The following TEX2 variants were observed in gnomAD, a reference collection of about 807,000 sequenced individuals.
TEX2 encodes the protein testis expressed 2.
TEX2 carries 53 observed loss-of-function variants against 106.9 expected under a neutral mutation model. That is an observed-to-expected ratio of 0.50 (90% CI 0.40 to 0.62). The LOEUF (loss-of-function observed/expected upper bound fraction) is 0.62, where lower values mean the gene tolerates loss of function less well. Among genes scored for constraint, TEX2 ranks in the 20% least tolerant of loss-of-function variants. The pLI is 0.00. For missense variants in TEX2, 1,207 were observed against 1,379.0 expected, an observed-to-expected ratio of 0.88 and a Z score of 1.98; for synonymous variants, 523 against 534.8, an observed-to-expected ratio of 0.98 and a Z score of 0.30.
Position 64,242,173 on chromosome 17 carries a change from G to A in TEX2, c.-26+20995C>T, listed in dbSNP as rs554402857. The A allele has an allele frequency of 2.6e-5, 4 of 152,294 alleles. No homozygotes were observed. The East Asian group carries it at 7.7e-4, about 29-fold the overall frequency. 9.4% of individuals were successfully genotyped at this position (152,294 alleles called of 1,614,324 possible). A position where few individuals can be genotyped will look rare whatever the true frequency, so the allele number is the denominator to read the frequency against. On this transcript the variant is annotated intron_variant, in intron 1 of 11. Coordinates refer to ENST00000584379, the MANE Select transcript of TEX2 (RefSeq NM_001288732.2). ...ATAGTTCAGAAGAGGAATGTTTATA[G>A]TTGAGTATATTTTACAAGTTGAGCA...
At chr17:64,180,285 CTAGT>C (rs1175462625) in intron 5 of TEX2, among the ~76,000 whole-genome samples, 13 of 152,190 alleles carry the variant, frequency 8.5e-5, no homozygotes, top group African/African-American at 2.9e-4. Context: ...CTTTACAACC[CTAGT>C]TACTCACAGG....
chr17:64,184,004 A>G (rs751604775), intron 5 of TEX2, among the ~76,000 whole-genome samples: 5 of 152,120 alleles, frequency 3.3e-5, no homozygotes, highest in Non-Finnish European at 7.4e-5. Flanking sequence ...TTTGATTCAC[A>G]TTTCCTTGAT....
intron 4 of TEX2, 145 bp from the exon 5 acceptor site, chr17:64,188,560 T>C: frequency 1.5e-6 from 2 of 1,317,196 alleles, no homozygotes; most frequent in Non-Finnish European, 2.0e-6. Context: ...CTCACGCCTG[T>C]AATCCCAGCA....
At chr17:64,182,488 A>AT (rs1261436333) in intron 5 of TEX2, among the ~76,000 whole-genome samples, 1 of 152,238 alleles carries the variant, frequency 6.6e-6, no homozygotes, top group African/African-American at 2.4e-5. Flanking sequence ...CACAAAAATA[A>AT]TTTTTAAAAA....
intron 1 of TEX2, among the ~76,000 whole-genome samples, chr17:64,235,762 T>C (rs1555635064): frequency 2.0e-5 from 3 of 152,228 alleles, no homozygotes; most frequent in Admixed American, 6.5e-5. Context: ...TTCATTGCTA[T>C]ACATAAGTAA....
At chr17:64,160,762 C>T (rs1202514221) in intron 8 of TEX2, 39 bp downstream of exon 8, 5 of 1,608,582 alleles carry the variant, frequency 3.1e-6, no homozygotes, top group East Asian at 4.5e-5. Context: ...AAGCTGGTGC[C>T]CCAGGATTGG....
At chr17:64,238,346 CTGTG>C (rs1172082450) in intron 1 of TEX2, among the ~76,000 whole-genome samples, 3 of 152,138 alleles carry the variant, frequency 2.0e-5, no homozygotes, top group Admixed American at 6.5e-5. Flanking sequence ...TCAAAACTGT[CTGTG>C]TAAGTTCAAT....
intron 4 of TEX2, among the ~76,000 whole-genome samples, chr17:64,192,809 C>T (rs2047153): frequency 0.55 from 84,117 of 151,962 alleles, 24,667 homozygotes; most frequent in East Asian, 0.83. Flanking sequence ...GCATAACTCC[C>T]GGATCAACAC....
rs146343722 is a variant in TEX2, at chr17:64,226,442, A to C, written c.-25-12200T>G. Among the ~76,000 whole-genome samples, 4 of 152,344 alleles carry C rather than the reference A, an allele frequency of 2.6e-5. No individual in the cohort carries two copies. The East Asian group carries it at 7.7e-4, about 29-fold the overall frequency. On this transcript the variant is annotated intron_variant, in intron 1 of 11. Transcript: ENST00000584379. ...TCAGATAAATTCCAAGTGGTTAAGA[A>C]ATCATGTTTTTAACTTTCATGCAAT...
intron 2 of TEX2, among the ~76,000 whole-genome samples, chr17:64,199,620 T>G (rs536744226): frequency 6.6e-6 from 1 of 152,388 alleles, no homozygotes; most frequent in African/African-American, 2.4e-5. Context: ...GTATTTTATT[T>G]AAATTCATAT....
At position 64,193,935 on chromosome 17, in the gene TEX2, C is replaced by T. The variant is rs776907387; in HGVS notation, c.1846-46G>A. 5 of 1,396,268 alleles carry T rather than the reference C, an allele frequency of 3.6e-6. No homozygotes were observed. The South Asian group carries it at 7.8e-5, about 22-fold the overall frequency. The allele number at this position is 1,396,268 out of a possible 1,614,324, so 86.5% of individuals were successfully genotyped here. A position where few individuals can be genotyped will look rare whatever the true frequency, so the allele number is the denominator to read the frequency against. ...TGATTTATATATTAAAGATTGGCTA[C>T]ACTATGCATTAATATTATGCATAGC... On this transcript the variant is annotated intron_variant, in intron 3 of 11. Coordinates refer to ENST00000584379, the MANE Select transcript of TEX2 (RefSeq NM_001288732.2).
rs1421640229 is a variant in TEX2, at chr17:64,195,007, G to T, written c.1733C>A (p.Thr578Asn). Residue 578 changes from threonine to asparagine, a missense_variant, in exon 3 of 12, where the codon ACC (threonine) becomes AAC (asparagine). Thr to Asn is a moderately conservative substitution (Grantham distance 65). This residue lies in a region of TEX2 where 1,067 missense variants were observed against 1,193.6 expected (regional missense o/e 0.89). Transcript: ENST00000584379. The surrounding 1 kb of genome is among the most constrained non-coding windows in gnomAD (Gnocchi z 4.1). ...TTTATTGGGCTTTGAAAGTCTTAAG[G>T]TTCCACCCTCAAGTCGAACAAAGAC... Reference protein sequence around the residue: ...HSVFVRLEGGTLRLSKPNKNI... With the variant: ...HSVFVRLEGGNLRLSKPNKNI... The T allele has an allele frequency of 1.2e-6, 2 of 1,614,116 alleles. No individual in the cohort carries two copies. Among genetic ancestry groups the T allele is most frequent in the Non-Finnish European group, 8.5e-7 (1 of 1,180,012 alleles).
chr17:64,218,096 A>C (rs1004850744), intron 1 of TEX2, among the ~76,000 whole-genome samples: 2 of 152,084 alleles, frequency 1.3e-5, no homozygotes, highest in African/African-American at 4.8e-5. Context: ...AAAATTTCTG[A>C]ATGGCTGGGC....
chr17:64,194,973 G>T lies in TEX2; in HGVS notation c.1767C>A (p.Ser589=), dbSNP rs2032420268. The change falls in exon 3 of 12, where the codon TCC becomes TCA. Residue 589 remains serine, a synonymous_variant. Coordinates refer to ENST00000584379, the MANE Select transcript of TEX2 (RefSeq NM_001288732.2). The part of the protein sequence containing the change: ...LRLSKPNKNI[S]RRASYNEPKP... ...TGGGTTCATTGTAGCTGGCCCTCCT[G>T]GATATATTTTTATTGGGCTTTGAAA... 1 of 1,613,920 alleles carries T rather than the reference G, an allele frequency of 6.2e-7. No individual in the cohort carries two copies. Among genetic ancestry groups the T allele is most frequent in the African/African-American group, 1.3e-5 (1 of 74,870 alleles).
Position 64,153,000 on chromosome 17 carries a change from C to T in TEX2, c.3085G>A (p.Glu1029Lys). ...TPLLLTVEVQECRGTLAVNIP... is the reference protein window; with the variant it reads ...TPLLLTVEVQKCRGTLAVNIP... ...TTGACCGCCAAGGTTCCTCTACATT[C>T]TTGTACTTCAACAGTGAGCAGCAGG... Residue 1029 changes from glutamate (E) to lysine (K), a missense_variant, in exon 10 of 12, where the codon GAA becomes AAA. Transcript: ENST00000584379. The T allele has an allele frequency of 6.2e-7, 1 of 1,614,188 alleles. No individual in the cohort carries two copies. Among genetic ancestry groups the T allele is most frequent in the Non-Finnish European group, 8.5e-7 (1 of 1,180,036 alleles).
rs782332631 is a variant in TEX2, at chr17:64,213,011, C to G, written c.1207G>C (p.Glu403Gln). Residue 403 changes from glutamate to glutamine, a missense_variant, in exon 2 of 12, where the codon GAG becomes CAG. This residue lies in a region of TEX2 where 1,067 missense variants were observed against 1,193.6 expected (regional missense o/e 0.89). Transcript: ENST00000584379. This position sits in a 1 kb window ranked among gnomAD's most constrained non-coding sequence, Gnocchi z 4.4. ...ACTAAGGCAGACAAAGAACATTTCT[C>G]CAGAACTAGAGAACTTGTCTTCAGG... ...LGLKTSSLVL[E>Q]KCSLSALVSK... is the part of the protein sequence containing the mutation. 1 of 1,614,224 alleles carries G rather than the reference C, an allele frequency of 6.2e-7. No individual in the cohort carries two copies. The highest frequency in any genetic ancestry group is 8.5e-7 in the Non-Finnish European group (1 of 1,180,036).
intron 7 of TEX2, among the ~76,000 whole-genome samples, chr17:64,161,702 A>T (rs1374550856): frequency 6.6e-6 from 1 of 152,078 alleles, no homozygotes; most frequent in East Asian, 1.9e-4. Flanking sequence ...AAATGCAAAC[A>T]GGGTTTATCT....
chr17:64,156,625 G>A (rs1486746299), intron 8 of TEX2, among the ~76,000 whole-genome samples: 2 of 152,206 alleles, frequency 1.3e-5, no homozygotes, highest in Non-Finnish European at 2.9e-5. Flanking sequence ...TCTTGGGTGA[G>A]GAAAGTCAGA....
At position 64,217,350 on chromosome 17, in the gene TEX2, G is replaced by C. The variant is rs921023971; in HGVS notation, c.-25-3108C>G. ...CCATGCAGGACAGCCAAGGCCAAGA[G>C]GAAGGACCTGACTGACACCCAGGAA... is the stretch of plus-strand genomic sequence containing the variant. On this transcript the variant is annotated intron_variant, in intron 1 of 11. Transcript: ENST00000584379. The surrounding 1 kb of genome is among the most constrained non-coding windows in gnomAD (Gnocchi z 4.3). Among the ~76,000 whole-genome samples, 1 of 152,212 alleles carries C rather than the reference G, an allele frequency of 6.6e-6. No individual in the cohort carries two copies. Among genetic ancestry groups the C allele is most frequent in the Admixed American group, 6.5e-5 (1 of 15,274 alleles).
Sources: gnomAD v4.1 joint callset for allele counts (sites outside exome capture counted in the v4.1 genomes callset) on GRCh38, gnomAD v4.1.1 for gene constraint, gnomAD v4.1.1 regional missense constraint, Gnocchi (gnomAD v3.1) non-coding constraint, MANE v1.5 for transcripts, NCBI Gene and HGNC (gene_info 2026-07-23, HGNC 2026-07-21) for gene names.